Variants in PTBP3 observed in about 807,000 individuals in gnomAD.
The protein encoded by PTBP3 is polypyrimidine tract binding protein 3.
A neutral mutation model predicts 58.7 loss-of-function variants in PTBP3; 20 were observed. The observed-to-expected ratio is 0.34, with a 90% CI of 0.24 to 0.50. The LOEUF (loss-of-function observed/expected upper bound fraction) is 0.50, where lower values mean the gene tolerates loss of function less well. PTBP3 is among the 20% of genes least tolerant of loss of function. The pLI is 0.98. For missense variants in PTBP3, 509 were observed against 637.2 expected (o/e 0.80, Z 2.17); for synonymous variants, 185 against 219.8 (o/e 0.84, Z 1.40).
chr9:112,307,754 G>A (rs1829284676), intron 1 of PTBP3, among the ~76,000 whole-genome samples: 2 of 152,120 alleles, frequency 1.3e-5, no homozygotes, highest in Admixed American at 6.6e-5. Flanking sequence ...ATATTATGAA[G>A]GCTAAATCCC....
upstream of PTBP3, among the ~76,000 whole-genome samples, chr9:112,337,319 C>T (rs190713837): frequency 1.3e-5 from 2 of 152,264 alleles, no homozygotes; most frequent in African/African-American, 4.8e-5. Flanking sequence ...CGTGAGCCAC[C>T]GTGCCTGGCC....
chr9:112,330,114 A>C (rs889094512), intron 1 of PTBP3, among the ~76,000 whole-genome samples: 1 of 152,074 alleles, frequency 6.6e-6, no homozygotes, highest in South Asian at 2.1e-4. Context: ...TCAGCCTCCC[A>C]AACTGCTGGG....
At chr9:112,307,136 A>T (rs1439849060) in intron 1 of PTBP3, among the ~76,000 whole-genome samples, 1 of 152,216 alleles carries the variant, frequency 6.6e-6, no homozygotes, top group Non-Finnish European at 1.5e-5. Flanking sequence ...TTATTGTCTT[A>T]TTACACATCA....
At chr9:112,324,004 GA>G (rs1452135843) in intron 1 of PTBP3, among the ~76,000 whole-genome samples, 1 of 151,916 alleles carries the variant, frequency 6.6e-6, no homozygotes, top group Non-Finnish European at 1.5e-5. Context: ...AGAAAATCAA[GA>G]AAGAAACCAG....
intron 7 of PTBP3, among the ~76,000 whole-genome samples, chr9:112,238,711 ACTTT>A (rs3032040): frequency 0.48 from 72,267 of 151,504 alleles, 17,628 homozygotes; most frequent in African/African-American, 0.58. Context: ...TTGACAACTG[ACTTT>A]CTAAGAGCAA....
intron 1 of PTBP3, among the ~76,000 whole-genome samples, chr9:112,320,314 A>ATATATATATATATATATATATATATAT: frequency 1.1e-4 from 8 of 75,694 alleles, no homozygotes; most frequent in African/African-American, 4.7e-4. Flanking sequence ...ATATATATAT[A>ATATATATATATATATATATATATATAT]TTTTTTTTTA....
At chr9:112,236,580 C>T (rs757925046) in intron 7 of PTBP3, among the ~76,000 whole-genome samples, 7 of 152,228 alleles carry the variant, frequency 4.6e-5, no homozygotes, top group Non-Finnish European at 8.8e-5. Context: ...AGGAGAGATA[C>T]GGTGGATATT....
chr9:112,305,812 C>T (rs1175235782), intron 1 of PTBP3, among the ~76,000 whole-genome samples: 2 of 152,014 alleles, frequency 1.3e-5, no homozygotes, highest in African/African-American at 4.8e-5. Flanking sequence ...TGGTGACGGA[C>T]GCCTGTAGTT....
intron 2 of PTBP3, 107 bp downstream of exon 2, chr9:112,297,725 G>A: frequency 1.1e-6 from 1 of 893,070 alleles, no homozygotes. Context: ...TTTAGCTTTT[G>A]TTATGAACAG....
intron 10 of PTBP3, among the ~76,000 whole-genome samples, chr9:112,230,645 C>T (rs914715437): frequency 1.3e-5 from 2 of 152,036 alleles, no homozygotes; most frequent in Non-Finnish European, 2.9e-5. Context: ...AAATAATCTA[C>T]CCTTGGATTA....
chr9:112,235,933 T>C (rs1257365026), intron 7 of PTBP3, among the ~76,000 whole-genome samples: 3 of 152,018 alleles, frequency 2.0e-5, no homozygotes, highest in Non-Finnish European at 4.4e-5. Flanking sequence ...AAAAGGGGGA[T>C]AGGGAGGACC....
At chr9:112,366,829 A>G in the PTBP3 span, among the ~76,000 whole-genome samples, 6 of 152,140 alleles carry the variant, frequency 3.9e-5, no homozygotes, top group Non-Finnish European at 8.8e-5. Flanking sequence ...GACAGCTTTC[A>G]CCATTCACCT....
chr9:112,256,254 C>CAA (rs371551973), intron 5 of PTBP3, among the ~76,000 whole-genome samples: 2,804 of 101,590 alleles, frequency 0.028, 55 homozygotes, highest in Non-Finnish European at 0.041. Flanking sequence ...AACTCCGTCT[C>CAA]AAAAAAAAAA....
intron 2 of PTBP3, among the ~76,000 whole-genome samples, chr9:112,283,432 C>G (rs550960777): frequency 6.6e-6 from 1 of 152,302 alleles, no homozygotes; most frequent in Admixed American, 6.5e-5. Flanking sequence ...ACCAAGGACA[C>G]TCTTGCAATG....
At chr9:112,374,680 A>G in the PTBP3 span, among the ~76,000 whole-genome samples, 1 of 152,236 alleles carries the variant, frequency 6.6e-6, no homozygotes, top group Admixed American at 6.5e-5. Flanking sequence ...TTCTTTAGCC[A>G]TAAAGTAAGT....
chr9:112,367,088 C>T, the PTBP3 span, among the ~76,000 whole-genome samples: 1 of 152,216 alleles, frequency 6.6e-6, no homozygotes, highest in Admixed American at 6.5e-5. Context: ...TAAGTTGACA[C>T]TAGCTTAACT....
At chr9:112,350,468 G>C in the PTBP3 span, among the ~76,000 whole-genome samples, 64 of 152,216 alleles carry the variant, frequency 4.2e-4, no homozygotes, top group Admixed American at 1.2e-3. Context: ...CCCAATTTTT[G>C]CTATTAACAT....
At chr9:112,276,163 A>G in intron 2 of PTBP3, 150 bp from the exon 3 acceptor site, 1 of 651,352 alleles carries the variant, frequency 1.5e-6, no homozygotes, top group South Asian at 2.1e-5. Context: ...GGAAAAGGAG[A>G]GTAGAAAACA....
At chr9:112,253,649 G>T (rs1009282987) in intron 5 of PTBP3, among the ~76,000 whole-genome samples, 4 of 152,176 alleles carry the variant, frequency 2.6e-5, no homozygotes, top group Non-Finnish European at 4.4e-5. Flanking sequence ...TCAAAAGAGA[G>T]ACCTGGTGGG....
Sources: allele counts gnomAD v4.1 joint callset (sites outside exome capture counted in the v4.1 genomes callset), GRCh38; gene constraint gnomAD v4.1.1; transcripts MANE v1.5; gene names NCBI Gene and HGNC (gene_info 2026-07-23, HGNC 2026-07-21).